Variants in BEND3 observed in about 807,000 individuals in gnomAD.
BEND3 encodes BEN domain containing 3, also known as BEN domain-containing protein 3.
Under a neutral mutation model 60.1 loss-of-function variants are expected in BEND3, and 13 were observed. The ratio of observed to expected loss-of-function variants is 0.22; its 90% confidence interval spans 0.14 to 0.34. BEND3 has a LOEUF of 0.34. Among genes scored for constraint, BEND3 ranks in the 10% least tolerant of loss-of-function variants. The pLI, the probability that BEND3 is intolerant of heterozygous loss-of-function variation, is 1.00. For synonymous variants in BEND3, 497 were observed against 491.5 expected (o/e 1.01, Z -0.15); for missense variants, 896 against 1,138.1 (o/e 0.79, Z 3.06).
intron 1 of BEND3, among the ~76,000 whole-genome samples, chr6:107,110,737 T>C (rs1047148121): frequency 1.3e-5 from 2 of 152,070 alleles, no homozygotes; most frequent in Non-Finnish European, 2.9e-5. Context: ...GTATTTTTAG[T>C]AGATACGAGG....
chr6:107,083,348 G>C (rs188323146), intron 3 of BEND3, among the ~76,000 whole-genome samples: 12 of 152,140 alleles, frequency 7.9e-5, no homozygotes, highest in Non-Finnish European at 2.9e-5. Context: ...GGCCAGGCAC[G>C]GTGGCTCATG....
rs76693379 is a variant in BEND3, at chr6:107,092,406, A to G, written c.240+6145T>C. 1.4e-3 allele frequency among the ~76,000 whole-genome samples: 215 copies of G among 152,346 alleles called. 1 individual carries two copies. The highest frequency in any genetic ancestry group is 5.0e-3 in the African/African-American group (207 of 41,580). ...TGATCATGTCAATAAATGCAGAAAA[A>G]GCACTTCACAAAATCCCACACCATT... is the stretch of plus-strand genomic sequence containing the variant. On this transcript the variant is annotated intron_variant, in intron 3 of 3. Coordinates refer to ENST00000369042, the MANE Select transcript of BEND3 (RefSeq NM_001367314.1).
chr6:107,087,488 A>G (rs1325242422), intron 3 of BEND3, among the ~76,000 whole-genome samples: 2 of 151,824 alleles, frequency 1.3e-5, no homozygotes, highest in East Asian at 3.9e-4. Context: ...GGCGAGGCGC[A>G]AGCACTTTAG....
chr6:107,105,958 T>C (rs1434187174), intron 1 of BEND3: 4 of 152,192 alleles, frequency 2.6e-5, no homozygotes, highest in South Asian at 2.1e-4. Flanking sequence ...CCTGAAACAA[T>C]AGGGATGGTG....
At chr6:107,081,661 C>G (rs1762716) in intron 3 of BEND3, among the ~76,000 whole-genome samples, 47,986 of 151,886 alleles carry the variant, frequency 0.32, 7,784 homozygotes, top group Admixed American at 0.39. Flanking sequence ...ATGAGAAATA[C>G]GCCAATGCAT....
chr6:107,106,593 C>T (rs916519628), intron 1 of BEND3, among the ~76,000 whole-genome samples: 18 of 152,118 alleles, frequency 1.2e-4, no homozygotes, highest in Admixed American at 2.0e-4. Context: ...GAAACCCTGG[C>T]TTTTAATCCA....
At chr6:107,089,612 C>T (rs868913797) in intron 3 of BEND3, among the ~76,000 whole-genome samples, 2 of 112,316 alleles carry the variant, frequency 1.8e-5, no homozygotes, top group African/African-American at 6.5e-5. Flanking sequence ...TTTTTTTTTT[C>T]GAGACAGAGT....
At chr6:107,113,746 C>T (rs1225617206) in intron 1 of BEND3, 1 of 151,800 alleles carries the variant, frequency 6.6e-6, no homozygotes, top group Non-Finnish European at 1.5e-5. Context: ...AAGCCAATAT[C>T]TAGGGATGAA....
At chr6:107,111,913 T>C (rs1166878137) in intron 1 of BEND3, among the ~76,000 whole-genome samples, 1 of 149,438 alleles carries the variant, frequency 6.7e-6, no homozygotes, top group Non-Finnish European at 1.5e-5. Context: ...ACCCAGGAGA[T>C]GGATGTTGCA....
Position 107,066,941 on chromosome 6 carries a change from G to A in BEND3, c.*1763C>T, listed in dbSNP as rs1439198552. 3 of 152,238 alleles carry A rather than the reference G, an allele frequency of 2.0e-5. No homozygotes were observed. The highest frequency in any genetic ancestry group is 7.2e-5 in the African/African-American group (3 of 41,446). The allele number at this position is 152,238 out of a possible 1,614,324, so 9.4% of individuals were successfully genotyped here. The stretch of plus-strand genomic sequence containing the variant: ...ATCTCACTTCAGCTTTTAGTAAGCA[G>A]TGCGTGTGTGCATGAGTAGCTGTGT... On this transcript the variant is annotated 3_prime_UTR_variant, in exon 4 of 4. Transcript: ENST00000369042.
At chr6:107,097,790 CAAAA>C (rs10674719) in intron 3 of BEND3, among the ~76,000 whole-genome samples, 76 of 53,352 alleles carry the variant, frequency 1.4e-3, no homozygotes, top group African/African-American at 1.5e-3. Flanking sequence ...AACTCCGTCT[CAAAA>C]AAAAAAAAAA....
intron 3 of BEND3, among the ~76,000 whole-genome samples, chr6:107,096,962 G>C (rs560665402): frequency 6.6e-6 from 1 of 152,106 alleles, no homozygotes; most frequent in Admixed American, 6.6e-5. Flanking sequence ...TCCAGCCTGG[G>C]CGACAGAGCG....
At chr6:107,080,354 CAA>C (rs11402351) in intron 3 of BEND3, among the ~76,000 whole-genome samples, 17 of 83,246 alleles carry the variant, frequency 2.0e-4, no homozygotes, top group East Asian at 3.2e-4. Flanking sequence ...GATCCCATCT[CAA>C]AAAAAAAAAA....
chr6:107,098,907 A>G (rs997007095), intron 2 of BEND3, among the ~76,000 whole-genome samples, 154 bp from the exon 3 acceptor site: 7 of 152,184 alleles, frequency 4.6e-5, no homozygotes, highest in African/African-American at 1.7e-4. Context: ...CTTTCCAACG[A>G]TGCAATCTTT....
chr6:107,102,208 C>A lies in BEND3; in HGVS notation c.-11-2912G>T, dbSNP rs375414052. ...TTTATCTGCCATTATATTCGCCCAA[C>A]CATGTGTCTCTGGCAGGCCCATCAC... On this transcript the variant is annotated intron_variant, in intron 1 of 3. Transcript: ENST00000369042. Among the ~76,000 whole-genome samples, 129 of 152,320 alleles carry A rather than the reference C, an allele frequency of 8.5e-4. No homozygotes were observed. In the South Asian group the frequency reaches 0.013, roughly 15 times the overall value.
chr6:107,099,062 T>A (rs568066366), intron 2 of BEND3, among the ~76,000 whole-genome samples, 187 bp downstream of exon 2: 1 of 152,122 alleles, frequency 6.6e-6, no homozygotes, highest in African/African-American at 2.4e-5. Context: ...AAGTAATTTT[T>A]AAAAAGTGAC....
chr6:107,110,545 A>AT (rs1320381023), intron 1 of BEND3, among the ~76,000 whole-genome samples: 1 of 152,028 alleles, frequency 6.6e-6, no homozygotes, highest in Admixed American at 6.6e-5. Flanking sequence ...TTTTTAGCAC[A>AT]TTTTTTTGTG....
intron 3 of BEND3, among the ~76,000 whole-genome samples, chr6:107,071,799 A>G (rs1384877144): frequency 2.0e-5 from 3 of 152,252 alleles, no homozygotes; most frequent in Non-Finnish European, 4.4e-5. Context: ...TTGTGTATGT[A>G]CAATTCTAGA....
At chr6:107,074,797 T>C (rs1554232552) in intron 3 of BEND3, among the ~76,000 whole-genome samples, 1 of 151,964 alleles carries the variant, frequency 6.6e-6, no homozygotes, top group Admixed American at 6.6e-5. Flanking sequence ...ATAACTGATT[T>C]TGGTGGATCG....
Sources: allele counts gnomAD v4.1 joint callset (sites outside exome capture counted in the v4.1 genomes callset), GRCh38; gene constraint gnomAD v4.1.1; transcripts MANE v1.5; gene names NCBI Gene and HGNC (gene_info 2026-07-23, HGNC 2026-07-21).